PDE1C: variants seen among roughly 807,000 people sequenced by gnomAD.
PDE1C encodes the protein phosphodiesterase 1C.
PDE1C carries 62 observed loss-of-function variants against 93.1 expected under a neutral mutation model. The observed-to-expected ratio is 0.67, with a 90% CI of 0.54 to 0.82. The LOEUF (loss-of-function observed/expected upper bound fraction) is 0.82. PDE1C is among the 40% of genes least tolerant of loss of function. PDE1C has a pLI of 0.00. For synonymous variants in PDE1C, 325 were observed against 310.1 expected (o/e 1.05, Z -0.50); for missense variants, 742 against 884.6 (o/e 0.84, Z 2.04).
chr7:32,391,425 G>C (rs215725), intron 1 of PDE1C, among the ~76,000 whole-genome samples: 148,325 of 152,290 alleles, frequency 0.97, 72,250 homozygotes, highest in East Asian at 1. Context: ...CATCCACTCT[G>C]AATAATGAAT....
At chr7:32,050,602 AT>A (rs1012640896) in intron 2 of PDE1C, among the ~76,000 whole-genome samples, 2 of 152,212 alleles carry the variant, frequency 1.3e-5, no homozygotes, top group African/African-American at 4.8e-5. Context: ...ATATGAAAAA[AT>A]ATCATACACT....
At chr7:32,337,961 G>A (rs991510029) in intron 1 of PDE1C, among the ~76,000 whole-genome samples, 1 of 151,990 alleles carries the variant, frequency 6.6e-6, no homozygotes, top group Non-Finnish European at 1.5e-5. Flanking sequence ...TACCTTACAC[G>A]CTCTACAAAA....
At chr7:32,101,515 G>A (rs1217279262) in intron 3 of PDE1C, among the ~76,000 whole-genome samples, 1 of 152,096 alleles carries the variant, frequency 6.6e-6, no homozygotes, top group Non-Finnish European at 1.5e-5. Flanking sequence ...GGTAATGAGT[G>A]AGTTCTCACT....
the PDE1C span, chr7:31,707,931 G>T: frequency 6.6e-6 from 1 of 152,272 alleles, no homozygotes; most frequent in Middle Eastern, 3.4e-3. Flanking sequence ...TGTCTGGGAA[G>T]CTTAGCAATG....
chr7:32,106,454 TAGAG>T (rs887035712), intron 3 of PDE1C, among the ~76,000 whole-genome samples: 3 of 151,894 alleles, frequency 2.0e-5, no homozygotes, highest in South Asian at 2.1e-4. Flanking sequence ...GAGACAGAGA[TAGAG>T]AGAAGTGGGA....
chr7:31,697,701 G>A, the PDE1C span, among the ~76,000 whole-genome samples: 11 of 152,188 alleles, frequency 7.2e-5, no homozygotes, highest in Admixed American at 5.9e-4. Context: ...GACTCTGTGT[G>A]TATGTGTGTA....
chr7:31,684,173 C>A, the PDE1C span, among the ~76,000 whole-genome samples: 10 of 152,092 alleles, frequency 6.6e-5, no homozygotes, highest in African/African-American at 2.4e-4. Flanking sequence ...GTACGAAGCC[C>A]TGGGAAAAAT....
the PDE1C span, among the ~76,000 whole-genome samples, chr7:31,644,943 T>C: frequency 6.6e-6 from 1 of 152,212 alleles, no homozygotes; most frequent in African/African-American, 2.4e-5. Flanking sequence ...CACAAATATT[T>C]AGTGAGTGTC....
chr7:32,153,980 G>A (rs989242951), intron 3 of PDE1C, among the ~76,000 whole-genome samples: 2 of 152,174 alleles, frequency 1.3e-5, no homozygotes, highest in Non-Finnish European at 2.9e-5. Flanking sequence ...ACGGCCAGGC[G>A]CAATGGCTTA....
At chr7:31,693,050 T>G in the PDE1C span, among the ~76,000 whole-genome samples, 1 of 152,208 alleles carries the variant, frequency 6.6e-6, no homozygotes, top group African/African-American at 2.4e-5. Context: ...GCTACCCATT[T>G]CTAAAAATGA....
intron 1 of PDE1C, among the ~76,000 whole-genome samples, chr7:32,314,650 T>C (rs183770198): frequency 1.3e-5 from 2 of 152,184 alleles, no homozygotes; most frequent in East Asian, 3.9e-4. Context: ...AGAATGGAAT[T>C]ATAGAGTTAG....
chr7:31,705,986 ATTTTTTTTTTTTTTTTTT>A, the PDE1C span, among the ~76,000 whole-genome samples: 842 of 52,516 alleles, frequency 0.016, 14 homozygotes, highest in African/African-American at 0.053. Flanking sequence ...CAGACCAGTA[ATTTTTTTTTTTTTTTTTT>A]TTTTTTTTTT....
chr7:31,878,332 T>C (rs901048976), intron 4 of PDE1C, among the ~76,000 whole-genome samples: 6 of 152,192 alleles, frequency 3.9e-5, no homozygotes, highest in African/African-American at 1.4e-4. Context: ...GAGTGAATTA[T>C]AGTACAGAAT....
rs117283290 is a variant in PDE1C at position 32,119,508 on chromosome 7, C to T, written c.308+50277G>A. Among the ~76,000 whole-genome samples the T allele has an allele frequency of 5.3e-3, 801 of 152,210 alleles. 9 individuals are homozygous for T. The highest frequency in any genetic ancestry group is 5.0e-3 in the Non-Finnish European group (337 of 68,002). On this transcript the variant is annotated intron_variant, in intron 3 of 18. Transcript: ENST00000396193. ...AACTCAAAACATAATGAGAGATGAC[C>T]GACTAGAAGCAGCTGCAACCAGAGG...
At chr7:31,672,618 T>C in the PDE1C span, among the ~76,000 whole-genome samples, 1 of 152,214 alleles carries the variant, frequency 6.6e-6, no homozygotes, top group Non-Finnish European at 1.5e-5. Context: ...ATTTTTCTAT[T>C]AAGTACATTT....
chr7:32,272,059 T>C (rs1481535926), intron 1 of PDE1C, among the ~76,000 whole-genome samples: 1 of 152,216 alleles, frequency 6.6e-6, no homozygotes, highest in African/African-American at 2.4e-5. Context: ...GCCTGAGAAA[T>C]GAAGAAGCTC....
chr7:32,111,399 A>T (rs1020569920), intron 3 of PDE1C, among the ~76,000 whole-genome samples: 1 of 152,184 alleles, frequency 6.6e-6, no homozygotes, highest in Non-Finnish European at 1.5e-5. Context: ...AAAATTGTGT[A>T]AGGTACAAAG....
At chr7:31,934,025 C>T (rs1051851574) in intron 2 of PDE1C, among the ~76,000 whole-genome samples, 1 of 152,192 alleles carries the variant, frequency 6.6e-6, no homozygotes, top group Non-Finnish European at 1.5e-5. Context: ...TGAACATGCG[C>T]TATTCCACTT....
At chr7:32,317,191 G>C (rs1166906134) in intron 1 of PDE1C, among the ~76,000 whole-genome samples, 1 of 152,224 alleles carries the variant, frequency 6.6e-6, no homozygotes, top group Non-Finnish European at 1.5e-5. Flanking sequence ...TTAATGATTA[G>C]ATTGAAAGAA....
Sources: allele counts gnomAD v4.1 joint callset (sites outside exome capture counted in the v4.1 genomes callset), GRCh38; gene constraint gnomAD v4.1.1; transcripts MANE v1.5; gene names NCBI Gene and HGNC (gene_info 2026-07-23, HGNC 2026-07-21).